C1orf87: variants seen among roughly 807,000 people sequenced by gnomAD.
C1orf87 encodes uncharacterized protein C1orf87.
Under a neutral mutation model 60.5 loss-of-function variants are expected in C1orf87, and 58 were observed. The observed-to-expected ratio is 0.96, with a 90% CI of 0.78 to 1.19. The LOEUF is 1.19. Among genes scored for constraint, C1orf87 ranks in the 50% most tolerant of loss-of-function variants. The probability of loss-of-function intolerance (pLI) is 0.00; values close to 1 mark genes in which losing one functional copy is unlikely to be tolerated. For synonymous variants in C1orf87, 236 were observed against 227.4 expected, an observed-to-expected ratio of 1.04 and a Z score of -0.34; for missense variants, 673 against 638.6, an observed-to-expected ratio of 1.05 and a Z score of -0.58.
intron 2 of C1orf87, among the ~76,000 whole-genome samples, chr1:60,072,282 G>T (rs566332672): frequency 1.3e-5 from 2 of 152,080 alleles, no homozygotes; most frequent in African/African-American, 4.8e-5. Context: ...TATAAATGTC[G>T]CAATGCTCAT....
At chr1:60,041,272 CATT>C (rs1645323026) in intron 3 of C1orf87, 141 bp from the exon 4 acceptor site, 2 of 678,378 alleles carry the variant, frequency 2.9e-6, no homozygotes, top group Non-Finnish European at 4.5e-6. Context: ...GCCCATGTAT[CATT>C]GAGTCATTGA....
chr1:60,008,669 C>T, intron 9 of C1orf87: 1 of 455,984 alleles, frequency 2.2e-6, no homozygotes. Flanking sequence ...AGAGCTACTG[C>T]TATAATGTTT....
At chr1:60,018,771 T>C (rs1210193573) in intron 8 of C1orf87, among the ~76,000 whole-genome samples, 1 of 152,228 alleles carries the variant, frequency 6.6e-6, no homozygotes, top group Non-Finnish European at 1.5e-5. Context: ...TGGAAATTCA[T>C]TGACTAAGCT....
intron 3 of C1orf87, among the ~76,000 whole-genome samples, chr1:60,047,958 A>G (rs1645384976): frequency 6.6e-6 from 1 of 152,108 alleles, no homozygotes. Flanking sequence ...TTTACTGCCA[A>G]TTAATATATA....
At chr1:60,016,068 G>A (rs963723444) in intron 8 of C1orf87, among the ~76,000 whole-genome samples, 2 of 152,082 alleles carry the variant, frequency 1.3e-5, no homozygotes, top group Admixed American at 6.6e-5. Context: ...TCTTTAAAAG[G>A]CCCTCCAAAT....
At chr1:60,057,834 A>C (rs1345655888) in intron 2 of C1orf87, among the ~76,000 whole-genome samples, 5 of 152,166 alleles carry the variant, frequency 3.3e-5, no homozygotes, top group Non-Finnish European at 7.3e-5. Flanking sequence ...GATCAGAAAA[A>C]TAAGACAGGT....
At chr1:60,037,913 T>G in intron 6 of C1orf87, 79 bp downstream of exon 6, 1 of 848,474 alleles carries the variant, frequency 1.2e-6, no homozygotes, top group Non-Finnish European at 1.8e-6. Flanking sequence ...AGCCACCCAG[T>G]TTATGGTACT....
chr1:60,026,771 C>G (rs772930185), intron 7 of C1orf87, among the ~76,000 whole-genome samples: 27 of 152,094 alleles, frequency 1.8e-4, no homozygotes, highest in Non-Finnish European at 1.8e-4. Context: ...CATCTCTAAT[C>G]CAAAAATCCA....
At chr1:60,024,925 C>T (rs1485116545) in intron 8 of C1orf87, among the ~76,000 whole-genome samples, 1 of 152,136 alleles carries the variant, frequency 6.6e-6, no homozygotes, top group Non-Finnish European at 1.5e-5. Context: ...CAAGAAGACC[C>T]TTTGGTCGCA....
chr1:60,070,033 T>C (rs758526501), intron 2 of C1orf87, among the ~76,000 whole-genome samples: 3 of 152,106 alleles, frequency 2.0e-5, no homozygotes, highest in Non-Finnish European at 2.9e-5. Flanking sequence ...CTAGAACACA[T>C]AGGTCTTTCC....
At chr1:60,056,073 G>A (rs543336074) in intron 2 of C1orf87, among the ~76,000 whole-genome samples, 7 of 151,908 alleles carry the variant, frequency 4.6e-5, no homozygotes, top group East Asian at 1.9e-4. Flanking sequence ...GTGAAACCCC[G>A]TCTCTACTAA....
intron 9 of C1orf87, among the ~76,000 whole-genome samples, chr1:60,003,817 C>T (rs966461936): frequency 2.6e-5 from 4 of 151,972 alleles, no homozygotes; most frequent in African/African-American, 9.7e-5. Context: ...ACATTTAGTG[C>T]CATTTTTCCA....
chr1:60,005,961 C>T (rs1645042291), intron 9 of C1orf87, among the ~76,000 whole-genome samples: 1 of 151,996 alleles, frequency 6.6e-6, no homozygotes, highest in Non-Finnish European at 1.5e-5. Flanking sequence ...AACTTGATCT[C>T]TGATTAGTTT....
intron 2 of C1orf87, among the ~76,000 whole-genome samples, chr1:60,060,509 T>C (rs1042980828): frequency 1.3e-5 from 2 of 152,150 alleles, no homozygotes; most frequent in African/African-American, 4.8e-5. Context: ...CTTCTTTCTC[T>C]GGAATCCCAA....
intron 3 of C1orf87, among the ~76,000 whole-genome samples, chr1:60,051,683 A>C (rs1172157682): frequency 6.6e-6 from 1 of 152,204 alleles, no homozygotes; most frequent in Non-Finnish European, 1.5e-5. Context: ...GCTGACCAAT[A>C]CAGAGAGAGA....
At chr1:60,037,360 A>G (rs1645285320) in intron 6 of C1orf87, among the ~76,000 whole-genome samples, 1 of 152,198 alleles carries the variant, frequency 6.6e-6, no homozygotes, top group Non-Finnish European at 1.5e-5. Context: ...GGGCTGCTAT[A>G]ATAGAATATC....
chr1:59,997,920 T>C (rs775904743), intron 10 of C1orf87, 104 bp from the exon 11 acceptor site: 17 of 1,137,560 alleles, frequency 1.5e-5, no homozygotes, highest in Non-Finnish European at 2.1e-5. Flanking sequence ...TATAGCAAGG[T>C]TTGAGTTTGG....
intron 8 of C1orf87, among the ~76,000 whole-genome samples, chr1:60,014,804 C>T (rs1645114293): frequency 6.6e-6 from 1 of 152,174 alleles, no homozygotes; most frequent in African/African-American, 2.4e-5. Flanking sequence ...TGTCTCAGCA[C>T]ATACTGCTCC....
At chr1:60,007,984 A>T (rs1334460445) in intron 9 of C1orf87, among the ~76,000 whole-genome samples, 1 of 152,046 alleles carries the variant, frequency 6.6e-6, no homozygotes, top group Non-Finnish European at 1.5e-5. Context: ...CACTTTGATA[A>T]CATTTACCTG....
Sources: allele counts gnomAD v4.1 joint callset (sites outside exome capture counted in the v4.1 genomes callset), GRCh38; gene constraint gnomAD v4.1.1; transcripts MANE v1.5; gene names NCBI Gene and HGNC (gene_info 2026-07-23, HGNC 2026-07-21).